Variants in SPOCK3 observed in about 807,000 individuals in gnomAD.
The protein encoded by SPOCK3 is SPARC (osteonectin), cwcv and kazal like domains proteoglycan 3, also known as testican-3.
A neutral mutation model predicts 56.6 loss-of-function variants in SPOCK3; 30 were observed. That is an observed-to-expected ratio of 0.53 (90% CI 0.40 to 0.72). The LOEUF is 0.72. Among genes scored for constraint, SPOCK3 ranks in the 30% least tolerant of loss-of-function variants. SPOCK3 has a pLI of 0.00. For missense variants in SPOCK3, 527 were observed against 530.0 expected (o/e 0.99, Z 0.06); for synonymous variants, 196 against 183.3 (o/e 1.07, Z -0.56).
intron 2 of SPOCK3, among the ~76,000 whole-genome samples, chr4:167,130,593 T>C (rs1762626257): frequency 6.6e-6 from 1 of 152,160 alleles, no homozygotes; most frequent in South Asian, 2.1e-4. Context: ...TAAACATCTT[T>C]CCACCAGCAG....
chr4:166,748,720 T>G (rs1735972389), intron 8 of SPOCK3, among the ~76,000 whole-genome samples: 1 of 136,182 alleles, frequency 7.3e-6, no homozygotes, highest in South Asian at 2.2e-4. Context: ...TGGGAGAAAA[T>G]TTTTGCAATC....
intron 6 of SPOCK3, among the ~76,000 whole-genome samples, chr4:166,870,790 T>C (rs1363431067): frequency 6.6e-6 from 1 of 152,086 alleles, no homozygotes; most frequent in Non-Finnish European, 1.5e-5. Flanking sequence ...CCCACTCAAA[T>C]CTCATCTTGA....
At chr4:166,921,000 G>C (rs1228157152) in intron 4 of SPOCK3, among the ~76,000 whole-genome samples, 1 of 152,074 alleles carries the variant, frequency 6.6e-6, no homozygotes, top group Non-Finnish European at 1.5e-5. Flanking sequence ...TGTCTTTGTG[G>C]AAGTCATTAT....
intron 2 of SPOCK3, among the ~76,000 whole-genome samples, chr4:167,110,132 G>C (rs1257525069): frequency 6.6e-6 from 1 of 152,056 alleles, no homozygotes; most frequent in Non-Finnish European, 1.5e-5. Flanking sequence ...ACTCAGGCAA[G>C]AAAGCTTTGA....
chr4:167,205,337 T>C (rs1299696776), intron 2 of SPOCK3, among the ~76,000 whole-genome samples: 3 of 45,224 alleles, frequency 6.6e-5, no homozygotes, highest in Non-Finnish European at 1.1e-4. Flanking sequence ...ATATATATTA[T>C]ATATTATATA....
intron 4 of SPOCK3, among the ~76,000 whole-genome samples, chr4:166,953,559 A>G (rs1475392102): frequency 6.6e-6 from 1 of 152,092 alleles, no homozygotes; most frequent in Non-Finnish European, 1.5e-5. Context: ...TAGAAATACC[A>G]TTTGACCCAG....
intron 7 of SPOCK3, among the ~76,000 whole-genome samples, chr4:166,787,147 G>T (rs1487146657): frequency 6.6e-6 from 1 of 152,104 alleles, no homozygotes; most frequent in Non-Finnish European, 1.5e-5. Flanking sequence ...TAGAAAACAA[G>T]CTCTATGGTA....
chr4:167,076,866 A>G (rs903428193), intron 2 of SPOCK3, among the ~76,000 whole-genome samples: 2 of 151,884 alleles, frequency 1.3e-5, no homozygotes, highest in Admixed American at 1.3e-4. Flanking sequence ...TAAATTTTAT[A>G]TATTCTTTTA....
intron 7 of SPOCK3, among the ~76,000 whole-genome samples, chr4:166,790,361 A>G (rs1741209193): frequency 2.0e-5 from 3 of 152,166 alleles, no homozygotes; most frequent in Non-Finnish European, 4.4e-5. Context: ...GATAGACCCA[A>G]AGAAGAATTC....
chr4:166,832,025 TCTGTAGG>T (rs1404633776), intron 6 of SPOCK3, among the ~76,000 whole-genome samples: 7 of 152,166 alleles, frequency 4.6e-5, no homozygotes, highest in African/African-American at 1.7e-4. Context: ...TTTCTCCCAT[TCTGTAGG>T]CTGTCTGATT....
intron 2 of SPOCK3, among the ~76,000 whole-genome samples, chr4:167,065,062 T>TAAAAAAAAAAAAAAAAAAAAA (rs74281519): frequency 2.5e-4 from 14 of 56,856 alleles, no homozygotes; most frequent in Non-Finnish European, 3.8e-4. Context: ...AAAAAAAAAG[T>TAAAAAAAAAAAAAAAAAAAAA]CAAACGCAGC....
At chr4:167,149,836 T>C (rs1403931592) in intron 2 of SPOCK3, among the ~76,000 whole-genome samples, 1 of 9,330 alleles carries the variant, frequency 1.1e-4, no homozygotes. Flanking sequence ...TGTGTATATA[T>C]ATATGTATAT....
At chr4:166,793,390 G>C (rs555847962) in intron 6 of SPOCK3, among the ~76,000 whole-genome samples, 1 of 152,254 alleles carries the variant, frequency 6.6e-6, no homozygotes, top group African/African-American at 2.4e-5. Context: ...ACTGGAAGAA[G>C]AATTGTCTTA....
chr4:166,842,798 C>T (rs1231471155), intron 6 of SPOCK3, among the ~76,000 whole-genome samples: 1 of 152,234 alleles, frequency 6.6e-6, no homozygotes, highest in Admixed American at 6.5e-5. Flanking sequence ...TGTGCCAGAG[C>T]CGTGGGCGGA....
intron 6 of SPOCK3, among the ~76,000 whole-genome samples, chr4:166,857,103 C>T (rs1333917403): frequency 6.6e-6 from 1 of 152,186 alleles, no homozygotes; most frequent in Non-Finnish European, 1.5e-5. Flanking sequence ...CTTGTTCTGA[C>T]TCTACAATGG....
chr4:167,025,307 G>A (rs529908445), intron 3 of SPOCK3, among the ~76,000 whole-genome samples: 23 of 151,478 alleles, frequency 1.5e-4, no homozygotes, highest in African/African-American at 5.1e-4. Context: ...TTAACCAGCA[G>A]GCCAAGCCTA....
rs138684796 is a variant in SPOCK3 at position 166,915,811 on chromosome 4, C to T, written c.351-3068G>A. On this transcript the variant is annotated intron_variant, in intron 4 of 10. Coordinates refer to ENST00000357545, the MANE Select transcript of SPOCK3 (RefSeq NM_001040159.2). Reference sequence around the variant, plus strand: ...TCTAGGTGCAGAAAAGATTAACCTTCGAGCATACATCTAATTTTTTGATAC... The same window carrying T: ...TCTAGGTGCAGAAAAGATTAACCTTTGAGCATACATCTAATTTTTTGATAC... Among the ~76,000 whole-genome samples, 356 of 152,200 alleles carry T rather than the reference C, an allele frequency of 2.3e-3. 3 individuals are homozygous for T. Among genetic ancestry groups the T allele is most frequent in the African/African-American group, 7.8e-3 (325 of 41,540 alleles).
At chr4:166,780,227 G>A (rs1740013725) in intron 7 of SPOCK3, among the ~76,000 whole-genome samples, 1 of 152,106 alleles carries the variant, frequency 6.6e-6, no homozygotes, top group Admixed American at 6.6e-5. Flanking sequence ...GTGAACACTG[G>A]CTTACTTGAG....
chr4:167,006,819 T>C (rs909235474), intron 3 of SPOCK3, among the ~76,000 whole-genome samples: 1 of 152,214 alleles, frequency 6.6e-6, no homozygotes. Context: ...GGGTATTGTT[T>C]CCTCATACCT....
Sources: allele counts gnomAD v4.1 joint callset (sites outside exome capture counted in the v4.1 genomes callset), GRCh38; gene constraint gnomAD v4.1.1; transcripts MANE v1.5; gene names NCBI Gene and HGNC (gene_info 2026-07-23, HGNC 2026-07-21).